Variants in AK7 observed in about 807,000 individuals in gnomAD.
The protein encoded by AK7 is ATP-AMP transphosphorylase 7.
In AK7, 78 loss-of-function variants were observed where a neutral mutation model predicts 96.6. That is an observed-to-expected ratio of 0.81 (90% CI 0.67 to 0.97). The LOEUF (loss-of-function observed/expected upper bound fraction) is 0.97, where lower values mean the gene tolerates loss of function less well. Among genes scored for constraint, AK7 ranks in the 50% least tolerant of loss-of-function variants. AK7 has a pLI of 0.00. For synonymous variants in AK7, 302 were observed against 317.2 expected, an observed-to-expected ratio of 0.95 and a Z score of 0.51; for missense variants, 855 against 887.9, an observed-to-expected ratio of 0.96 and a Z score of 0.47.
intron 10 of AK7, among the ~76,000 whole-genome samples, chr14:96,455,400 G>C (rs886789441): frequency 6.6e-6 from 1 of 152,072 alleles, no homozygotes; most frequent in African/African-American, 2.4e-5. Context: ...TGGGAGGATG[G>C]TTTGAGCCCA....
intron 14 of AK7, among the ~76,000 whole-genome samples, chr14:96,473,339 T>C (rs1313278734): frequency 6.6e-6 from 1 of 151,504 alleles, no homozygotes; most frequent in African/African-American, 2.4e-5. Flanking sequence ...ACTGGCTAAT[T>C]TTTTTGTATT....
intron 5 of AK7, among the ~76,000 whole-genome samples, chr14:96,432,201 G>C (rs1892387952): frequency 9.9e-6 from 1 of 100,768 alleles, no homozygotes; most frequent in African/African-American, 3.7e-5. Flanking sequence ...TGCAACCCCT[G>C]CTTTTTTTTT....
At chr14:96,408,675 A>G (rs1049290950) in intron 3 of AK7, among the ~76,000 whole-genome samples, 172 bp from the exon 4 acceptor site, 3 of 152,250 alleles carry the variant, frequency 2.0e-5, no homozygotes, top group African/African-American at 7.2e-5. Flanking sequence ...GGATACAGGT[A>G]GCGAGAAAGC....
At chr14:96,478,980 C>T (rs1232360660) in intron 15 of AK7, among the ~76,000 whole-genome samples, 1 of 151,538 alleles carries the variant, frequency 6.6e-6, no homozygotes, top group Admixed American at 6.6e-5. Flanking sequence ...GCAATCTTGG[C>T]TCACTGCAAC....
intron 2 of AK7, 63 bp from the exon 3 acceptor site, chr14:96,404,694 T>C (rs1890603221): frequency 8.9e-7 from 1 of 1,123,644 alleles, no homozygotes. Context: ...TATCATTTCA[T>C]TGAAATATGA....
chr14:96,471,422 C>A (rs1894879240), intron 12 of AK7, 56 bp from the exon 13 acceptor site: 3 of 900,536 alleles, frequency 3.3e-6, no homozygotes, highest in Non-Finnish European at 3.0e-6. Flanking sequence ...TAAAACAACT[C>A]TTACTTAGAA....
At chr14:96,463,769 A>G (rs1274017358) in intron 12 of AK7, among the ~76,000 whole-genome samples, 1 of 151,954 alleles carries the variant, frequency 6.6e-6, no homozygotes. Flanking sequence ...AGAAGACAGA[A>G]TAAATCCACC....
At chr14:96,443,881 C>T (rs1241680353) in intron 7 of AK7, among the ~76,000 whole-genome samples, 2 of 150,314 alleles carry the variant, frequency 1.3e-5, no homozygotes, top group African/African-American at 2.5e-5. Context: ...TCATGCCATT[C>T]TCCTGCCTCA....
chr14:96,451,705 A>G (rs1248488144), intron 10 of AK7, 135 bp downstream of exon 10: 12 of 949,102 alleles, frequency 1.3e-5, no homozygotes, highest in Non-Finnish European at 1.5e-5. Context: ...AAATTTGACA[A>G]ATTTGTCCAG....
chr14:96,395,759 AGTT>A (rs1890037584), intron 1 of AK7, among the ~76,000 whole-genome samples: 1 of 102,700 alleles, frequency 9.7e-6, no homozygotes, highest in Admixed American at 1.1e-4. Flanking sequence ...GAGGGAAGGG[AGTT>A]TATCTCCTTC....
At chr14:96,402,751 A>C (rs1367806929) in intron 2 of AK7, among the ~76,000 whole-genome samples, 55 of 151,148 alleles carry the variant, frequency 3.6e-4, no homozygotes, top group Non-Finnish European at 2.9e-5. Flanking sequence ...CCCACCCCCA[A>C]GAGATATATT....
At chr14:96,432,770 G>A in intron 5 of AK7, among the ~76,000 whole-genome samples, 1 of 151,164 alleles carries the variant, frequency 6.6e-6, no homozygotes, top group East Asian at 1.9e-4. Flanking sequence ...AGATCACAAG[G>A]TCAGGAGAAT....
intron 15 of AK7, among the ~76,000 whole-genome samples, chr14:96,478,953 A>G (rs1240650858): frequency 2.0e-5 from 3 of 151,768 alleles, no homozygotes; most frequent in Non-Finnish European, 4.4e-5. Context: ...CAGTTGCCCA[A>G]GCTGGAGTGC....
At chr14:96,405,976 TA>T (rs1398479378) in intron 3 of AK7, among the ~76,000 whole-genome samples, 1 of 152,152 alleles carries the variant, frequency 6.6e-6, no homozygotes, top group Non-Finnish European at 1.5e-5. Context: ...AACTGTAATG[TA>T]AGGACCTCAA....
intron 4 of AK7, among the ~76,000 whole-genome samples, chr14:96,409,232 T>G (rs958374047): frequency 1.3e-5 from 2 of 152,218 alleles, no homozygotes; most frequent in African/African-American, 4.8e-5. Flanking sequence ...TCTTTTAGAC[T>G]TACTTAGACC....
chr14:96,456,519 G>C, intron 11 of AK7, 44 bp downstream of exon 11: 1 of 1,595,212 alleles, frequency 6.3e-7, no homozygotes. Context: ...ATTAATTACT[G>C]TATTGTTCTT....
chr14:96,407,401 G>A lies in AK7; in HGVS notation c.404-1446G>A, dbSNP rs376115415. Among the ~76,000 whole-genome samples the A allele has an allele frequency of 8.3e-4, 127 of 152,130 alleles. 1 individual carries two copies. The highest frequency in any genetic ancestry group is 1.7e-3 in the African/African-American group (69 of 41,502). On this transcript the variant is annotated intron_variant, in intron 3 of 17. Transcript: ENST00000267584. ...AGACTTAATTCAATAACGCTTTCTC[G>A]TTTTAGGGTAGAAATCAATACACTT...
Position 96,474,046 on chromosome 14 carries a change from GTGT to G in AK7, c.1555+1299_1555+1301del, listed in dbSNP as rs572430005. On this transcript the variant is annotated intron_variant, in intron 14 of 17. Coordinates refer to ENST00000267584, the MANE Select transcript of AK7 (RefSeq NM_152327.5). ...GTGACCTTCCTGTAAACGTTAAAAA[GTGT>G]TGTTGTTTTTAGTCAGTTTGCTTGA... Among the ~76,000 whole-genome samples the G allele has an allele frequency of 1.8e-3, 278 of 152,298 alleles. 2 individuals carry two copies. The highest frequency in any genetic ancestry group is 6.3e-3 in the African/African-American group (262 of 41,570).
chr14:96,439,826 G>A (rs1276026463), intron 6 of AK7, among the ~76,000 whole-genome samples: 1 of 152,056 alleles, frequency 6.6e-6, no homozygotes, highest in African/African-American at 2.4e-5. Context: ...CAGCTGGAGG[G>A]GAATTGAAGA....
Sources: gnomAD v4.1 joint callset for allele counts (sites outside exome capture counted in the v4.1 genomes callset) on GRCh38, gnomAD v4.1.1 for gene constraint, MANE v1.5 for transcripts, NCBI Gene and HGNC (gene_info 2026-07-23, HGNC 2026-07-21) for gene names.